Variants in BRCC3 observed in about 807,000 individuals in gnomAD.
BRCC3 encodes the protein lys-63-specific deubiquitinase BRCC36.
A neutral mutation model predicts 28.0 loss-of-function variants in BRCC3; 15 were observed. The observed-to-expected ratio is 0.54, with a 90% CI of 0.36 to 0.82. BRCC3 has a LOEUF of 0.82. BRCC3 is among the 40% of genes least tolerant of loss of function. BRCC3 has a pLI of 0.01. For synonymous variants in BRCC3, 66 were observed against 80.3 expected (o/e 0.82, Z 0.95); for missense variants, 109 against 225.9 (o/e 0.48, Z 3.32).
chrX:155,095,286 T>A (rs1408300409), intron 7 of BRCC3, among the ~76,000 whole-genome samples: 2 of 111,237 alleles, frequency 1.8e-5, no homozygotes, highest in African/African-American at 3.3e-5. Flanking sequence ...AAAGAAAAAA[T>A]TTAGTTTTTA....
intron 7 of BRCC3, among the ~76,000 whole-genome samples, chrX:155,098,014 T>C (rs1369512335): frequency 8.9e-6 from 1 of 112,451 alleles, no homozygotes; most frequent in Non-Finnish European, 1.9e-5. Context: ...AAGAGATAGT[T>C]GTGCACCCAT....
At chrX:155,100,724 A>G (rs185022319) in intron 7 of BRCC3, among the ~76,000 whole-genome samples, 5 of 111,548 alleles carry the variant, frequency 4.5e-5, no homozygotes, top group African/African-American at 1.6e-4. Context: ...TTCCACTGTA[A>G]AGTTAATTAT....
chrX:155,112,575 G>A (rs1216101036), intron 7 of BRCC3, among the ~76,000 whole-genome samples: 1 of 112,529 alleles, frequency 8.9e-6, no homozygotes, highest in Non-Finnish European at 1.9e-5. Flanking sequence ...ATCCAGAATA[G>A]GTAAAGAATT....
intron 7 of BRCC3, among the ~76,000 whole-genome samples, chrX:155,106,056 T>A (rs1283038007): frequency 6.2e-5 from 7 of 112,277 alleles, no homozygotes; most frequent in African/African-American, 2.3e-4. Context: ...TAGCTCCAGA[T>A]AAAAACTTTT....
At chrX:155,100,386 G>A (rs1218412595) in intron 7 of BRCC3, among the ~76,000 whole-genome samples, 1 of 112,154 alleles carries the variant, frequency 8.9e-6, no homozygotes, top group Non-Finnish European at 1.9e-5. Flanking sequence ...AAAACCTTTA[G>A]TCTGGTCCTG....
chrX:155,107,156 C>T (rs1007720783), intron 7 of BRCC3, among the ~76,000 whole-genome samples: 2 of 109,783 alleles, frequency 1.8e-5, no homozygotes, highest in Non-Finnish European at 3.8e-5. Context: ...CCTTATGTTT[C>T]ATTTTGGTCA....
At chrX:155,099,438 A>G (rs2074233690) in intron 7 of BRCC3, 1 of 1,186,388 alleles carries the variant, frequency 8.4e-7, no homozygotes, top group Non-Finnish European at 1.1e-6. Flanking sequence ...GATTTCCAAT[A>G]AGTGACCTTC....
chrX:155,101,127 G>A (rs1569560541), intron 7 of BRCC3, among the ~76,000 whole-genome samples: 2 of 110,930 alleles, frequency 1.8e-5, no homozygotes, highest in South Asian at 3.8e-4. Context: ...TCAAACTCCC[G>A]GGCTCAAGCG....
chrX:155,095,231 A>G (rs1369032504), intron 7 of BRCC3, among the ~76,000 whole-genome samples: 2 of 112,266 alleles, frequency 1.8e-5, no homozygotes, highest in South Asian at 3.7e-4. Context: ...GATTCAAAAT[A>G]TTAACAAGTT....
At chrX:155,089,039 T>C (rs1180076955) in intron 5 of BRCC3, among the ~76,000 whole-genome samples, 1 of 112,193 alleles carries the variant, frequency 8.9e-6, no homozygotes, top group Non-Finnish European at 1.9e-5. Flanking sequence ...ATTAATAAGT[T>C]TTATTATTTA....
Position 155,078,612 on chromosome X carries a change from A to T in BRCC3, c.316-4A>T. On this transcript the variant is annotated splice_region_variant and splice_polypyrimidine_tract_variant and intron_variant, in intron 4 of 10. Transcript: ENST00000330045. ...ACATTTTTAAAGTACCTTGACAGAC[A>T]CACAGGTTGGCTGAACTGACAGGCC... The T allele has an allele frequency of 8.4e-7, 1 of 1,190,057 alleles. No individual in the cohort carries two copies. The highest frequency in any genetic ancestry group is 1.1e-6 in the Non-Finnish European group (1 of 881,220).
At chrX:155,102,875 G>A (rs2074255244) in intron 7 of BRCC3, among the ~76,000 whole-genome samples, 1 of 111,812 alleles carries the variant, frequency 8.9e-6, no homozygotes, top group African/African-American at 3.3e-5. Flanking sequence ...GGTTGCTTTA[G>A]GGTTTTTCAC....
intron 7 of BRCC3, among the ~76,000 whole-genome samples, chrX:155,114,393 G>T (rs1261300457): frequency 9.0e-6 from 1 of 111,100 alleles, no homozygotes; most frequent in African/African-American, 3.3e-5. Context: ...TTTATATAAG[G>T]TATCTAATGA....
At chrX:155,120,347 T>G in intron 10 of BRCC3, among the ~76,000 whole-genome samples, 179 bp downstream of exon 10, 1 of 112,042 alleles carries the variant, frequency 8.9e-6, no homozygotes, top group Non-Finnish European at 1.9e-5. Flanking sequence ...AAGGAGCTTA[T>G]GCAAGATGAT....
intron 7 of BRCC3, among the ~76,000 whole-genome samples, chrX:155,099,037 A>G (rs1557296568): frequency 9.0e-6 from 1 of 111,450 alleles, no homozygotes; most frequent in Non-Finnish European, 1.9e-5. Context: ...TTTCCTTCAC[A>G]CAATATGAAA....
chrX:155,084,157 A>C (rs1304692337), intron 5 of BRCC3, among the ~76,000 whole-genome samples: 1 of 112,467 alleles, frequency 8.9e-6, no homozygotes, highest in Non-Finnish European at 1.9e-5. Context: ...CACGTTTGCA[A>C]AAGAAAAATA....
intron 4 of BRCC3, among the ~76,000 whole-genome samples, chrX:155,077,794 G>C (rs924984045): frequency 8.9e-6 from 1 of 111,981 alleles, no homozygotes; most frequent in Non-Finnish European, 1.9e-5. Flanking sequence ...ATGATTCCGA[G>C]TGTCCTGGCC....
chrX:155,073,760 C>T (rs782253070), intron 3 of BRCC3, among the ~76,000 whole-genome samples: 1 of 111,224 alleles, frequency 9.0e-6, no homozygotes, highest in African/African-American at 3.3e-5. Context: ...CTCTTTATCT[C>T]GAATTCCAAC....
At chrX:155,090,524 A>G (rs2074167264) in intron 6 of BRCC3, among the ~76,000 whole-genome samples, 1 of 111,954 alleles carries the variant, frequency 8.9e-6, no homozygotes, top group African/African-American at 3.3e-5. Flanking sequence ...AGCTTTCAGG[A>G]TGGCAGTTTG....
Sources: allele counts gnomAD v4.1 joint callset (sites outside exome capture counted in the v4.1 genomes callset), GRCh38; gene constraint gnomAD v4.1.1; transcripts MANE v1.5; gene names NCBI Gene and HGNC (gene_info 2026-07-23, HGNC 2026-07-21).